The following MLF1 variants were observed in gnomAD, a reference collection of about 807,000 sequenced individuals.
The protein encoded by MLF1 is myelodysplasia-myeloid leukemia factor 1.
Under a neutral mutation model 38.3 loss-of-function variants are expected in MLF1, and 37 were observed. The observed-to-expected ratio is 0.96, with a 90% CI of 0.74 to 1.27. MLF1 has a LOEUF of 1.27. Among genes scored for constraint, MLF1 ranks in the 50% most tolerant of loss-of-function variants. The pLI is 0.00. For missense variants in MLF1, 331 were observed against 349.2 expected (o/e 0.95, Z 0.42); for synonymous variants, 95 against 106.5 (o/e 0.89, Z 0.66).
chr3:158,578,535 CACT>C (rs1388021593), intron 1 of MLF1, among the ~76,000 whole-genome samples: 5 of 151,966 alleles, frequency 3.3e-5, no homozygotes, highest in Non-Finnish European at 5.9e-5. Flanking sequence ...CACACGTACA[CACT>C]ATGTTGAAAT....
chr3:158,586,750 G>T (rs1717308532), intron 1 of MLF1, among the ~76,000 whole-genome samples: 1 of 152,170 alleles, frequency 6.6e-6, no homozygotes, highest in African/African-American at 2.4e-5. Context: ...GAGTATAATG[G>T]TTGTGCCTTT....
intron 1 of MLF1, chr3:158,582,596 GA>G (rs1716571539): frequency 1.3e-5 from 4 of 318,520 alleles, no homozygotes. Flanking sequence ...AAAGAAGCTA[GA>G]GGGGGAATAA....
At chr3:158,599,278 G>C (rs532822927) in intron 5 of MLF1, among the ~76,000 whole-genome samples, 1 of 152,224 alleles carries the variant, frequency 6.6e-6, no homozygotes, top group East Asian at 1.9e-4. Context: ...TCTTTACCTA[G>C]CGTTTCCAAG....
intron 1 of MLF1, among the ~76,000 whole-genome samples, chr3:158,574,992 C>T (rs1715208363): frequency 6.6e-6 from 1 of 152,044 alleles, no homozygotes; most frequent in Non-Finnish European, 1.5e-5. Context: ...ATAATATGTT[C>T]TTTAAAATGT....
chr3:158,602,806 G>A lies in MLF1; in HGVS notation c.614-1G>A, dbSNP rs1255992086. 2.5e-6 allele frequency: 4 copies of A among 1,612,928 alleles called. No homozygotes were observed. The highest frequency in any genetic ancestry group is 1.7e-4 in the Middle Eastern group (1 of 5,826). On this transcript the variant is annotated splice_acceptor_variant, in intron 6 of 7. Coordinates refer to ENST00000466246, the MANE Select transcript of MLF1 (RefSeq NM_001369783.1). LOFTEE classifies it high-confidence loss of function. Reference sequence around the variant, plus strand: ...TCCCATTATTTTTCTGTTTGACATAGGTGATGCTCATGCTTTTGATGAGGA... The same window carrying A: ...TCCCATTATTTTTCTGTTTGACATAAGTGATGCTCATGCTTTTGATGAGGA...
intron 6 of MLF1, among the ~76,000 whole-genome samples, chr3:158,601,885 C>T (rs1228680587): frequency 4.5e-5 from 6 of 133,692 alleles, no homozygotes; most frequent in South Asian, 4.8e-4. Flanking sequence ...GGTGTGATCT[C>T]GGCTCACTGC....
At chr3:158,587,399 G>A (rs1576661803) in intron 1 of MLF1, among the ~76,000 whole-genome samples, 1 of 152,154 alleles carries the variant, frequency 6.6e-6, no homozygotes, top group African/African-American at 2.4e-5. Flanking sequence ...ACCAGCTCCA[G>A]GGCTTAGTCC....
chr3:158,573,644 A>G (rs1395054357), intron 1 of MLF1, among the ~76,000 whole-genome samples: 1 of 152,124 alleles, frequency 6.6e-6, no homozygotes, highest in African/African-American at 2.4e-5. Context: ...TTTTTAGCCT[A>G]AGTGTTTTTT....
In MLF1 at chr3:158,602,840, G is replaced by A; in HGVS notation, c.647G>A (p.Ser216Asn). ...CATGCTTTTGATGAGGAGTGGCAAA[G>A]TGAGGTTTTGAAGTACAAACCAGGA... ...DAHAFDEEWQ[S>N]EVLKYKPGRH... Residue 216 changes from serine (S) to asparagine (N), a missense_variant, in exon 7 of 8, where the codon AGT becomes AAT. Transcript: ENST00000466246. The A allele has an allele frequency of 1.2e-6, 2 of 1,613,704 alleles. No homozygotes were observed. The highest frequency in any genetic ancestry group is 2.2e-5 in the East Asian group (1 of 44,848).
At chr3:158,572,511 T>TG in intron 1 of MLF1, among the ~76,000 whole-genome samples, 1 of 63,216 alleles carries the variant, frequency 1.6e-5, no homozygotes, top group Non-Finnish European at 3.1e-5. Flanking sequence ...GGGCATGAGG[T>TG]GTGGGAGGAG....
chr3:158,571,213 C>A lies in MLF1; in HGVS notation c.-88C>A. On this transcript the variant is annotated 5_prime_UTR_variant, in exon 1 of 8. The change creates a new upstream start codon in the 5' untranslated region. Transcript: ENST00000466246. ...CGCGGCGAGTGAGGCGTCGTCCGTA[C>A]TGGAGGCTAGCTCTTGTCGCGGCCG... The A allele has an allele frequency of 9.1e-7, 1 of 1,097,948 alleles. No individual in the cohort carries two copies. The allele number at this position is 1,097,948 out of a possible 1,614,324, so 68.0% of individuals were successfully genotyped here. A position where few individuals can be genotyped will look rare whatever the true frequency, so the allele number is the denominator to read the frequency against.
In MLF1 at chr3:158,598,191, C is replaced by T. The variant is rs772307481; in HGVS notation, c.436C>T (p.Arg146Cys). ...PKVFQASTQT[R>C]RAPGGIKETR... ...GGTTTTTCAGGCCTCAACTCAAACT[C>T]GTCGAGCTCCAGGAGGAGTAAGTTT... Residue 146 changes from arginine to cysteine, a missense_variant, in exon 5 of 8, where the codon CGT (arginine) becomes TGT (cysteine). Arg to Cys is a radical substitution (Grantham distance 180, BLOSUM62 -3). Coordinates refer to ENST00000466246, the MANE Select transcript of MLF1 (RefSeq NM_001369783.1). 2.4e-5 allele frequency: 38 copies of T among 1,613,480 alleles called. No individual in the cohort carries two copies. The highest frequency in any genetic ancestry group is 2.5e-5 in the Non-Finnish European group (29 of 1,179,842).
chr3:158,603,024 T>C, intron 7 of MLF1, 85 bp downstream of exon 7: 1 of 1,221,606 alleles, frequency 8.2e-7, no homozygotes, highest in African/African-American at 1.5e-5. Context: ...TCAGAAAGTT[T>C]TGATGATCAT....
In MLF1 at chr3:158,606,403, T is replaced by C. The variant is rs1351597302; in HGVS notation, c.*1201T>C. 6.2e-6 allele frequency: 1 copy of C among 160,394 alleles called. No homozygotes were observed. The highest frequency in any genetic ancestry group is 1.4e-5 in the Non-Finnish European group (1 of 73,272). The allele number at this position is 160,394 out of a possible 1,614,324, so 9.9% of individuals were successfully genotyped here. A position where few individuals can be genotyped will look rare whatever the true frequency, so the allele number is the denominator to read the frequency against. On this transcript the variant is annotated 3_prime_UTR_variant, in exon 8 of 8. Coordinates refer to ENST00000466246, the MANE Select transcript of MLF1 (RefSeq NM_001369783.1). ...TTTTATATAATATTTTTGTTAATTT[T>C]ACTAGTTTGTGTTTTATGCCTTTAG...
rs112357553 is a variant in MLF1, at chr3:158,603,411, C to T, written c.746+472C>T. On this transcript the variant is annotated intron_variant, in intron 7 of 7. Transcript: ENST00000466246. ...TTTCAGACACTTGTATAATATGTAA[C>T]AGTACATGCAATACCATATTCGATG... Among the ~76,000 whole-genome samples the T allele has an allele frequency of 2.6e-3, 395 of 152,254 alleles. 1 individual carries two copies. The highest frequency in any genetic ancestry group is 9.3e-3 in the African/African-American group (385 of 41,536).
At chr3:158,571,388 T>C in intron 1 of MLF1, 41 bp downstream of exon 1, 1 of 1,612,126 alleles carries the variant, frequency 6.2e-7, no homozygotes, top group Non-Finnish European at 8.5e-7. Context: ...GCGCGGGAAT[T>C]AAGGTATCGA....
intron 1 of MLF1, among the ~76,000 whole-genome samples, chr3:158,576,029 T>C (rs1715368225): frequency 6.6e-6 from 1 of 152,244 alleles, no homozygotes; most frequent in Admixed American, 6.5e-5. Context: ...TTAAAATATT[T>C]AAGTAAAAAG....
intron 1 of MLF1, among the ~76,000 whole-genome samples, chr3:158,580,993 G>A (rs1000440675): frequency 6.6e-6 from 1 of 151,988 alleles, no homozygotes; most frequent in Non-Finnish European, 1.5e-5. Context: ...ACCACTTCAC[G>A]CTAATAACAA....
At chr3:158,584,409 T>A (rs182623478) in intron 1 of MLF1, among the ~76,000 whole-genome samples, 1 of 152,142 alleles carries the variant, frequency 6.6e-6, no homozygotes. Context: ...ATCAAAACTC[T>A]GGAGGAATAT....
Sources: gnomAD v4.1 joint callset for allele counts (sites outside exome capture counted in the v4.1 genomes callset) on GRCh38, gnomAD v4.1.1 for gene constraint, MANE v1.5 for transcripts, NCBI Gene and HGNC (gene_info 2026-07-23, HGNC 2026-07-21) for gene names.